The following SCFD2 variants were observed in gnomAD, a reference collection of about 807,000 sequenced individuals.
SCFD2 encodes the protein sec1 family domain-containing protein 2.
A neutral mutation model predicts 58.9 loss-of-function variants in SCFD2; 54 were observed. The observed-to-expected ratio is 0.92, with a 90% CI of 0.74 to 1.15. SCFD2 has a LOEUF of 1.15. Among genes scored for constraint, SCFD2 ranks in the 50% most tolerant of loss-of-function variants. SCFD2 has a pLI of 0.00. For synonymous variants in SCFD2, 321 were observed against 335.9 expected, an observed-to-expected ratio of 0.96 and a Z score of 0.49; for missense variants, 805 against 836.6, an observed-to-expected ratio of 0.96 and a Z score of 0.47.
intron 5 of SCFD2, among the ~76,000 whole-genome samples, chr4:52,936,517 G>A: frequency 6.6e-6 from 1 of 152,144 alleles, no homozygotes; most frequent in Non-Finnish European, 1.5e-5. Context: ...AAGTCAATGA[G>A]TGTCTTAGTA....
chr4:53,094,187 C>A (rs188725241), intron 5 of SCFD2, among the ~76,000 whole-genome samples: 28 of 152,180 alleles, frequency 1.8e-4, no homozygotes, highest in African/African-American at 6.3e-4. Flanking sequence ...TTCATCTTTC[C>A]ACTGTGCATC....
chr4:53,129,009 A>T (rs1372430492), intron 5 of SCFD2, among the ~76,000 whole-genome samples: 1 of 152,230 alleles, frequency 6.6e-6, no homozygotes, highest in Non-Finnish European at 1.5e-5. Flanking sequence ...CCACAACACA[A>T]ATAAGGAAAT....
chr4:52,891,540 G>C (rs1718877292), intron 7 of SCFD2, among the ~76,000 whole-genome samples: 1 of 152,226 alleles, frequency 6.6e-6, no homozygotes, highest in Non-Finnish European at 1.5e-5. Flanking sequence ...TAAGCTGTAG[G>C]GTTGAGGTTG....
chr4:53,352,428 T>G (rs1734249413), intron 2 of SCFD2, among the ~76,000 whole-genome samples, 170 bp downstream of exon 2: 1 of 152,252 alleles, frequency 6.6e-6, no homozygotes, highest in Non-Finnish European at 1.5e-5. Context: ...GTTTAGTGGA[T>G]GTGGTTATTT....
chr4:53,320,522 T>C (rs1436400394), intron 2 of SCFD2, among the ~76,000 whole-genome samples: 1 of 152,122 alleles, frequency 6.6e-6, no homozygotes, highest in Non-Finnish European at 1.5e-5. Flanking sequence ...GAGGCTGAGG[T>C]AGGAAAATCA....
Position 53,079,137 on chromosome 4 carries a change from G to A in SCFD2, c.1561+66196C>T, listed in dbSNP as rs535372431. ...TCATTCAGTTTGACTCTGAAGGCCT[G>A]AGAATTGAGGTTGGAAGGGGAGGGG... On this transcript the variant is annotated intron_variant, in intron 5 of 8. Coordinates refer to ENST00000401642, the MANE Select transcript of SCFD2 (RefSeq NM_152540.4). 2.6e-5 allele frequency among the ~76,000 whole-genome samples: 4 copies of A among 152,246 alleles called. No individual in the cohort carries two copies. The East Asian group carries it at 5.8e-4, about 22-fold the overall frequency.
chr4:53,265,960 G>C (rs1049896824), intron 4 of SCFD2, among the ~76,000 whole-genome samples: 7 of 151,806 alleles, frequency 4.6e-5, no homozygotes, highest in African/African-American at 1.7e-4. Context: ...GCCCAGACTG[G>C]TCTTGAACTC....
chr4:52,972,112 C>A (rs956625757), intron 5 of SCFD2, among the ~76,000 whole-genome samples: 8 of 152,140 alleles, frequency 5.3e-5, no homozygotes, highest in African/African-American at 1.7e-4. Context: ...CATCAATTAA[C>A]AAGCAAAATA....
chr4:53,091,615 A>G (rs1273800539), intron 5 of SCFD2, among the ~76,000 whole-genome samples: 1 of 152,118 alleles, frequency 6.6e-6, no homozygotes, highest in African/African-American at 2.4e-5. Flanking sequence ...TAAAATGTCA[A>G]TTTAGCTCAA....
chr4:53,242,767 C>A (rs1317458737), intron 4 of SCFD2, among the ~76,000 whole-genome samples: 2 of 152,030 alleles, frequency 1.3e-5, no homozygotes, highest in Non-Finnish European at 2.9e-5. Flanking sequence ...GACAAAATAG[C>A]CAGTATAAAG....
At chr4:52,992,407 C>T (rs992177866) in intron 5 of SCFD2, among the ~76,000 whole-genome samples, 3 of 152,218 alleles carry the variant, frequency 2.0e-5, no homozygotes, top group Admixed American at 1.3e-4. Flanking sequence ...CCTGCCTTGG[C>T]CTCCCAAAGT....
At chr4:53,071,789 T>C (rs149728152) in intron 5 of SCFD2, among the ~76,000 whole-genome samples, 1,733 of 152,256 alleles carry the variant, frequency 0.011, 18 homozygotes, top group Middle Eastern at 0.034. Context: ...GGCAAATGTA[T>C]GCGACTTAAA....
At chr4:52,942,542 A>G (rs1011329188) in intron 5 of SCFD2, among the ~76,000 whole-genome samples, 1 of 152,152 alleles carries the variant, frequency 6.6e-6, no homozygotes, top group African/African-American at 2.4e-5. Context: ...TGAGCAAATT[A>G]CCTGACTTCT....
At chr4:53,094,113 T>C (rs1724550342) in intron 5 of SCFD2, among the ~76,000 whole-genome samples, 1 of 152,120 alleles carries the variant, frequency 6.6e-6, no homozygotes, top group Admixed American at 6.6e-5. Context: ...ACATAACCTT[T>C]TGAGCCTCAG....
chr4:52,899,525 A>T (rs1450678303), intron 7 of SCFD2, among the ~76,000 whole-genome samples: 1 of 152,196 alleles, frequency 6.6e-6, no homozygotes, highest in Non-Finnish European at 1.5e-5. Context: ...ATCTGCTGTT[A>T]GTCTGATGGG....
intron 2 of SCFD2, among the ~76,000 whole-genome samples, chr4:53,317,521 A>G (rs1256855029): frequency 6.6e-6 from 1 of 152,246 alleles, no homozygotes; most frequent in Non-Finnish European, 1.5e-5. Context: ...ATTAAACTTT[A>G]TGTCAAGAAA....
intron 3 of SCFD2, among the ~76,000 whole-genome samples, chr4:53,297,464 T>G (rs1333136006): frequency 4.8e-5 from 7 of 146,646 alleles, no homozygotes; most frequent in South Asian, 2.1e-4. Flanking sequence ...CAACCCTTGG[T>G]TTTTTTTTTG....
intron 3 of SCFD2, among the ~76,000 whole-genome samples, chr4:53,285,236 T>G (rs181838960): frequency 6.6e-6 from 1 of 152,258 alleles, no homozygotes; most frequent in East Asian, 1.9e-4. Context: ...TGAGGCTAAC[T>G]TAAACACTAC....
At chr4:53,045,424 C>A (rs562547171) in intron 5 of SCFD2, among the ~76,000 whole-genome samples, 1 of 151,924 alleles carries the variant, frequency 6.6e-6, no homozygotes, top group African/African-American at 2.4e-5. Flanking sequence ...CAATGTATTT[C>A]TTTTTGGATA....
Sources: gnomAD v4.1 joint callset for allele counts (sites outside exome capture counted in the v4.1 genomes callset) on GRCh38, gnomAD v4.1.1 for gene constraint, MANE v1.5 for transcripts, NCBI Gene and HGNC (gene_info 2026-07-23, HGNC 2026-07-21) for gene names.